Variants in GRID2 observed in about 807,000 individuals in gnomAD.
GRID2 encodes glutamate ionotropic receptor delta type subunit 2.
Under a neutral mutation model 114.8 loss-of-function variants are expected in GRID2, and 33 were observed. The observed-to-expected ratio is 0.29, with a 90% CI of 0.22 to 0.38. The LOEUF (loss-of-function observed/expected upper bound fraction) is 0.38, where lower values mean the gene tolerates loss of function less well. Among genes scored for constraint, GRID2 ranks in the 10% least tolerant of loss-of-function variants. GRID2 has a pLI of 1.00. For missense variants in GRID2, 1,184 were observed against 1,257.7 expected, an observed-to-expected ratio of 0.94 and a Z score of 0.89; for synonymous variants, 505 against 449.9, an observed-to-expected ratio of 1.12 and a Z score of -1.55.
chr4:92,650,389 T>A (rs926483862), intron 2 of GRID2, among the ~76,000 whole-genome samples: 2 of 152,050 alleles, frequency 1.3e-5, no homozygotes, highest in Non-Finnish European at 2.9e-5. Context: ...CTGCTTAGTT[T>A]GGGTTGTTGT....
intron 1 of GRID2, among the ~76,000 whole-genome samples, chr4:92,338,740 T>C (rs1219373725): frequency 6.6e-6 from 1 of 152,040 alleles, no homozygotes; most frequent in Non-Finnish European, 1.5e-5. Context: ...ACATGCAAAA[T>C]AGTGTAAAGA....
chr4:92,902,565 C>A (rs1747656481), intron 2 of GRID2, among the ~76,000 whole-genome samples: 1 of 151,978 alleles, frequency 6.6e-6, no homozygotes, highest in South Asian at 2.1e-4. Context: ...AAATTCTTTG[C>A]CTAGGCCAAT....
rs181913167 is a variant in GRID2 at position 93,496,140 on chromosome 4, C to T, written c.1997+5363C>T. Among the ~76,000 whole-genome samples, 739 of 147,622 alleles carry T rather than the reference C, an allele frequency of 5.0e-3. 6 individuals are homozygous for T. Among genetic ancestry groups the T allele is most frequent in the African/African-American group, 0.017 (699 of 40,134 alleles). ...GATTGTAAAAAAAAAAAAAAACAGG[C>T]TGTTTTGAGAAAATAGGAAAGTACA... On this transcript the variant is annotated intron_variant, in intron 12 of 15. Transcript: ENST00000282020.
chr4:93,062,373 T>C (rs552256786), intron 2 of GRID2, among the ~76,000 whole-genome samples: 2 of 152,192 alleles, frequency 1.3e-5, no homozygotes, highest in African/African-American at 4.8e-5. Flanking sequence ...ATCTAGCAAT[T>C]ATAAAGTTGT....
chr4:93,490,564 G>A, intron 11 of GRID2, 75 bp from the exon 12 acceptor site: 3 of 1,116,884 alleles, frequency 2.7e-6, no homozygotes, highest in Non-Finnish European at 3.9e-6. Context: ...TTAATTTGGT[G>A]TTGAATATAG....
chr4:92,548,458 G>A (rs1429828147), intron 1 of GRID2, among the ~76,000 whole-genome samples: 1 of 113,424 alleles, frequency 8.8e-6, no homozygotes, highest in Non-Finnish European at 1.7e-5. Flanking sequence ...CTGGAGTTCT[G>A]TGGAGCGATT....
At chr4:92,622,803 C>G (rs1730335600) in intron 2 of GRID2, among the ~76,000 whole-genome samples, 1 of 151,630 alleles carries the variant, frequency 6.6e-6, no homozygotes, top group South Asian at 2.1e-4. Context: ...TATTCCTGAG[C>G]TGTAAAATGG....
rs1414167828 is a variant in GRID2, at chr4:93,613,627, G to T, written c.2194-12642G>T. Among the ~76,000 whole-genome samples the T allele has an allele frequency of 3.4e-5, 4 of 116,184 alleles. 1 individual carries two copies. Among genetic ancestry groups the T allele is most frequent in the Non-Finnish European group, 1.9e-5 (1 of 51,534 alleles). The allele number at this position is 116,184 out of a possible 152,430, so 76.2% of individuals were successfully genotyped here. On this transcript the variant is annotated intron_variant, in intron 13 of 15. Coordinates refer to ENST00000282020, the MANE Select transcript of GRID2 (RefSeq NM_001510.4). ...GTGCCTCCCAGTTAGGCTGCTCGGG[G>T]GTCAGGGGTCAGGGACCCACTTGAG...
chr4:93,739,819 T>C lies in GRID2; in HGVS notation c.2361-29391T>C, dbSNP rs193147633. Among the ~76,000 whole-genome samples the C allele has an allele frequency of 1.7e-4, 26 of 152,320 alleles. No individual in the cohort carries two copies. In the East Asian group the frequency reaches 4.4e-3, roughly 26 times the overall value. The stretch of plus-strand genomic sequence containing the variant: ...CTTAGAACTCAGCTTCCGGTTGACC[T>C]GATTACTTTCCTGAATTCTAGGCCC... On this transcript the variant is annotated intron_variant, in intron 14 of 15. Transcript: ENST00000282020.
chr4:92,414,040 G>T (rs772768317), intron 1 of GRID2, among the ~76,000 whole-genome samples: 32 of 152,120 alleles, frequency 2.1e-4, no homozygotes, highest in Non-Finnish European at 4.0e-4. Flanking sequence ...ATAATATATT[G>T]TTTGGTAAGT....
chr4:92,482,215 A>C (rs1352625590), intron 1 of GRID2, among the ~76,000 whole-genome samples: 2 of 151,594 alleles, frequency 1.3e-5, no homozygotes, highest in Non-Finnish European at 2.9e-5. Context: ...TAACACAGGA[A>C]TAGAAAACCA....
rs79818948 is a variant in GRID2, at chr4:93,567,580, A to G, written c.2193+52169A>G. Among the ~76,000 whole-genome samples the G allele has an allele frequency of 3.1e-3, 477 of 152,366 alleles. 8 individuals are homozygous for G. Among genetic ancestry groups the G allele is most frequent in the East Asian group, 0.027 (140 of 5,196 alleles). On this transcript the variant is annotated intron_variant, in intron 13 of 15. Coordinates refer to ENST00000282020, the MANE Select transcript of GRID2 (RefSeq NM_001510.4). ...TGAAATAATTACCAACTCTGAAGAA[A>G]AGGCTAAAATAAGACAGATAATGTA...
At chr4:93,645,172 A>G (rs750163739) in intron 14 of GRID2, among the ~76,000 whole-genome samples, 1 of 152,198 alleles carries the variant, frequency 6.6e-6, no homozygotes, top group Non-Finnish European at 1.5e-5. Flanking sequence ...AGTGTTGAGC[A>G]TCAAATGGAC....
At chr4:93,430,705 G>T (rs1769326838) in intron 10 of GRID2, among the ~76,000 whole-genome samples, 1 of 152,188 alleles carries the variant, frequency 6.6e-6, no homozygotes, top group Non-Finnish European at 1.5e-5. Flanking sequence ...GAAACACAGA[G>T]GTTAAACTAG....
At chr4:93,673,756 C>T (rs551755886) in intron 14 of GRID2, among the ~76,000 whole-genome samples, 1 of 152,200 alleles carries the variant, frequency 6.6e-6, no homozygotes, top group East Asian at 1.9e-4. Context: ...AAGCACTGTC[C>T]CCAGGGGTTG....
intron 8 of GRID2, among the ~76,000 whole-genome samples, chr4:93,257,200 A>G (rs1279320508): frequency 6.6e-6 from 1 of 151,898 alleles, no homozygotes; most frequent in African/African-American, 2.4e-5. Flanking sequence ...TTACTTAATA[A>G]TATCAGCAAT....
chr4:93,604,017 A>G (rs866498634), intron 13 of GRID2, among the ~76,000 whole-genome samples: 2 of 152,364 alleles, frequency 1.3e-5, no homozygotes, highest in Middle Eastern at 3.4e-3. Flanking sequence ...TCTGCAGCCC[A>G]TAGATCAAGA....
chr4:93,519,822 G>A lies in GRID2; in HGVS notation c.2193+4411G>A, dbSNP rs546281775. 2.1e-4 allele frequency among the ~76,000 whole-genome samples: 32 copies of A among 152,230 alleles called. 1 individual carries two copies. The South Asian group carries it at 6.4e-3, about 31-fold the overall frequency. On this transcript the variant is annotated intron_variant, in intron 13 of 15. Transcript: ENST00000282020. ...CCAGCAGTATTCATTCATAAAGATA[G>A]CATTAATGTATAGGCTGTCTGTCCA...
At chr4:92,556,917 C>T (rs919854425) in intron 1 of GRID2, among the ~76,000 whole-genome samples, 2 of 152,070 alleles carry the variant, frequency 1.3e-5, no homozygotes, top group Admixed American at 6.6e-5. Flanking sequence ...CATGGGAAAC[C>T]GTTTTACATG....
Sources: allele counts gnomAD v4.1 joint callset (sites outside exome capture counted in the v4.1 genomes callset), GRCh38; gene constraint gnomAD v4.1.1; transcripts MANE v1.5; gene names NCBI Gene and HGNC (gene_info 2026-07-23, HGNC 2026-07-21).